ZDHHC6: variants seen among roughly 807,000 people sequenced by gnomAD.
ZDHHC6 encodes the protein palmitoyltransferase ZDHHC6.
In ZDHHC6, 32 loss-of-function variants were observed where a neutral mutation model predicts 57.8. That is an observed-to-expected ratio of 0.55 (90% confidence interval 0.42 to 0.74). The LOEUF is 0.74. Ranked by LOEUF, ZDHHC6 falls within the 30% of genes least tolerant of loss-of-function variation. The pLI is 0.00. For missense variants in ZDHHC6, 433 were observed against 500.7 expected (o/e 0.86, Z 1.29); for synonymous variants, 128 against 158.0 (o/e 0.81, Z 1.42).
chr10:112,429,131 T>C (rs1589711149), downstream of ZDHHC6, among the ~76,000 whole-genome samples: 1 of 152,330 alleles, frequency 6.6e-6, no homozygotes, highest in Non-Finnish European at 1.5e-5. Flanking sequence ...CTTTCTAGAT[T>C]TTGAGCCCAG....
downstream of ZDHHC6, chr10:112,425,480 G>A (rs1249353112): frequency 1.1e-5 from 17 of 1,604,414 alleles, no homozygotes; most frequent in Middle Eastern, 1.7e-4. Context: ...GAGAGCTTAC[G>A]GGTAATATAT....
chr10:112,443,116 T>C (rs1846295102), intron 3 of ZDHHC6, among the ~76,000 whole-genome samples: 1 of 152,194 alleles, frequency 6.6e-6, no homozygotes, highest in East Asian at 1.9e-4. Flanking sequence ...TAAATGTTTG[T>C]CAATAAGTAA....
chr10:112,429,139 C>T (rs1408077418), downstream of ZDHHC6, among the ~76,000 whole-genome samples: 1 of 152,168 alleles, frequency 6.6e-6, no homozygotes, highest in Non-Finnish European at 1.5e-5. Context: ...ATTTTGAGCC[C>T]AGAAAAGCCA....
At chr10:112,434,533 GA>G in intron 6 of ZDHHC6, 69 bp from the exon 7 acceptor site, 1 of 1,411,926 alleles carries the variant, frequency 7.1e-7, no homozygotes, top group Non-Finnish European at 9.5e-7. Flanking sequence ...ATGTTATTGA[GA>G]ACACTTATTT....
upstream of ZDHHC6, chr10:112,447,175 C>A: frequency 1.8e-6 from 1 of 552,636 alleles, no homozygotes; most frequent in Non-Finnish European, 3.2e-6. Context: ...GAAAATAAAG[C>A]ACGCACGCAA....
At chr10:112,432,598 A>T in intron 8 of ZDHHC6, 77 bp from the exon 9 acceptor site, 1 of 1,531,930 alleles carries the variant, frequency 6.5e-7, no homozygotes, top group Non-Finnish European at 8.8e-7. Context: ...TTCAAATTTT[A>T]AAGCAAGATC....
At chr10:112,427,413 A>G (rs1589708517), downstream of ZDHHC6, 4 of 1,471,022 alleles carry the variant, frequency 2.7e-6, no homozygotes, top group South Asian at 2.8e-5. Flanking sequence ...GAGAAAATGG[A>G]TTAAAAACTA....
intron 1 of ZDHHC6, 63 bp from the exon 2 acceptor site, chr10:112,445,713 C>T: frequency 3.9e-6 from 2 of 506,902 alleles, no homozygotes; most frequent in Non-Finnish European, 6.9e-6. Context: ...TTATTGCATA[C>T]CATACTTGTT....
At chr10:112,428,279 C>T (rs937625532), downstream of ZDHHC6, 4 of 390,450 alleles carry the variant, frequency 1.0e-5, no homozygotes, top group African/African-American at 4.1e-5. Context: ...TGATCTCCCC[C>T]ACCCTTGGAT....
In ZDHHC6 at chr10:112,446,877, G is replaced by C. The variant is rs1005193010; in HGVS notation, c.-387C>G. 1 of 184,878 alleles carries C rather than the reference G, an allele frequency of 5.4e-6. No individual in the cohort carries two copies. The highest frequency in any genetic ancestry group is 9.1e-5 in the East Asian group (1 of 11,042). The allele number at this position is 184,878 out of a possible 1,614,324, so 11.5% of individuals were successfully genotyped here. A position where few individuals can be genotyped will look rare whatever the true frequency, so the allele number is the denominator to read the frequency against. Reference sequence around the variant, plus strand: ...GGCTGGAGTGCGGGACCTGCTACAAGCCGAGCACCTCTCGGCCAGCGCCCT... The same window carrying C: ...GGCTGGAGTGCGGGACCTGCTACAACCCGAGCACCTCTCGGCCAGCGCCCT... On this transcript the variant is annotated 5_prime_UTR_variant, in exon 1 of 11. Coordinates refer to ENST00000369405, the MANE Select transcript of ZDHHC6 (RefSeq NM_022494.3).
At chr10:112,436,153 G>A (rs1845507155) in intron 6 of ZDHHC6, among the ~76,000 whole-genome samples, 1 of 152,172 alleles carries the variant, frequency 6.6e-6, no homozygotes, top group Admixed American at 6.5e-5. Context: ...GGGTAGAGAA[G>A]GGTAGGAAAT....
At chr10:112,426,737 C>T (rs775166924), downstream of ZDHHC6, 2 of 1,549,084 alleles carry the variant, frequency 1.3e-6, no homozygotes, top group Admixed American at 3.3e-5. Flanking sequence ...ATGCTTAGCC[C>T]TTCAGGCTTT....
chr10:112,428,921 AAAGT>A (rs565309289), downstream of ZDHHC6, among the ~76,000 whole-genome samples: 262 of 152,354 alleles, frequency 1.7e-3, no homozygotes, highest in African/African-American at 6.0e-3. Context: ...TTAGTGAAGA[AAAGT>A]AAGTTCTGAA....
At position 112,440,512 on chromosome 10, in the gene ZDHHC6, T is replaced by C. The variant is rs759742215; in HGVS notation, c.681+22A>G. ...GTCCCAACAACTTGACACTTTTGAC[T>C]TGAGGTAATTGAGATGCTTACCTGG... On this transcript the variant is annotated intron_variant, in intron 5 of 10. Coordinates refer to ENST00000369405, the MANE Select transcript of ZDHHC6 (RefSeq NM_022494.3). 115 of 1,607,880 alleles carry C rather than the reference T, an allele frequency of 7.2e-5. No homozygotes were observed. Among genetic ancestry groups the C allele is most frequent in the Non-Finnish European group, 9.4e-5 (111 of 1,176,094 alleles).
chr10:112,434,657 C>T (rs1191278756), intron 6 of ZDHHC6, among the ~76,000 whole-genome samples, 193 bp from the exon 7 acceptor site: 2 of 152,168 alleles, frequency 1.3e-5, no homozygotes. Context: ...AGAACACCAG[C>T]CTTGTATGTG....
At chr10:112,433,377 C>T (rs1845214600) in intron 7 of ZDHHC6, 96 bp from the exon 8 acceptor site, 1 of 972,444 alleles carries the variant, frequency 1.0e-6, no homozygotes, top group South Asian at 2.0e-5. Flanking sequence ...TATGGCAAAA[C>T]CCCAATTTTC....
downstream of ZDHHC6, among the ~76,000 whole-genome samples, chr10:112,429,100 A>G (rs146725598): frequency 1.4e-4 from 21 of 152,376 alleles, no homozygotes; most frequent in African/African-American, 7.2e-5. Context: ...ACTGGAGTTA[A>G]AGAGAATGTT....
Position 112,432,277 on chromosome 10 carries a change from T to G in ZDHHC6, c.1101A>C (p.Leu367Phe). 1 of 1,608,696 alleles carries G rather than the reference T, an allele frequency of 6.2e-7. No homozygotes were observed. Among genetic ancestry groups the G allele is most frequent in the South Asian group, 1.1e-5 (1 of 89,664 alleles). The change falls in exon 10 of 11, where the codon TTA (leucine) becomes TTC (phenylalanine). Residue 367 changes from leucine (L) to phenylalanine (F), a missense_variant. Leu to Phe is a conservative substitution (Grantham distance 22). Coordinates refer to ENST00000369405, the MANE Select transcript of ZDHHC6 (RefSeq NM_022494.3). ...AATCATCAAGAATTTTGTCTCCATA[T>G]AACCAGTATCTGAAATATTTAAAAG... ...ILATRGLRYW[L>F]YGDKILDDSF...
chr10:112,436,036 G>C (rs1049753513), intron 6 of ZDHHC6, among the ~76,000 whole-genome samples: 1 of 152,142 alleles, frequency 6.6e-6, no homozygotes, highest in Non-Finnish European at 1.5e-5. Context: ...CAAGAAATCA[G>C]GCAAAAAGAG....
Sources: allele counts gnomAD v4.1 joint callset (sites outside exome capture counted in the v4.1 genomes callset), GRCh38; gene constraint gnomAD v4.1.1; transcripts MANE v1.5; gene names NCBI Gene and HGNC (gene_info 2026-07-23, HGNC 2026-07-21).